ACTN1: variants seen among roughly 807,000 people sequenced by gnomAD.
The protein encoded by ACTN1 is alpha-actinin-1.
In ACTN1, 30 loss-of-function variants were observed where a neutral mutation model predicts 119.6. The observed-to-expected ratio is 0.25, with a 90% confidence interval of 0.19 to 0.34. The LOEUF (loss-of-function observed/expected upper bound fraction) is 0.34, where lower values mean the gene tolerates loss of function less well. ACTN1 is among the 10% of genes least tolerant of loss of function. The pLI, the probability that ACTN1 is intolerant of heterozygous loss-of-function variation, is 1.00. For synonymous variants in ACTN1, 429 were observed against 472.6 expected (o/e 0.91, Z 1.20); for missense variants, 764 against 1,223.4 (o/e 0.62, Z 5.60).
chr14:68,967,339 A>C (rs759220946), intron 1 of ACTN1, among the ~76,000 whole-genome samples: 1 of 152,076 alleles, frequency 6.6e-6, no homozygotes, highest in African/African-American at 2.4e-5. Context: ...GGCCCTCACC[A>C]CCACTGTTCA....
At chr14:68,950,122 C>T (rs929195456) in intron 1 of ACTN1, among the ~76,000 whole-genome samples, 8 of 152,040 alleles carry the variant, frequency 5.3e-5, no homozygotes, top group Admixed American at 3.9e-4. Flanking sequence ...AATGAAACCC[C>T]GTTTCTACTG....
intron 1 of ACTN1, among the ~76,000 whole-genome samples, chr14:68,950,115 G>A (rs1211186316): frequency 6.6e-6 from 1 of 152,062 alleles, no homozygotes; most frequent in African/African-American, 2.4e-5. Flanking sequence ...CCAACATAAT[G>A]AAACCCCGTT....
At chr14:68,922,424 G>A (rs2034699324) in intron 2 of ACTN1, among the ~76,000 whole-genome samples, 1 of 152,230 alleles carries the variant, frequency 6.6e-6, no homozygotes, top group Admixed American at 6.5e-5. Context: ...CCAAGGCTCT[G>A]GCTGCAACCC....
At chr14:68,950,624 T>A (rs1038804056) in intron 1 of ACTN1, among the ~76,000 whole-genome samples, 1 of 151,434 alleles carries the variant, frequency 6.6e-6, no homozygotes, top group African/African-American at 2.4e-5. Flanking sequence ...TGCAGTGGTA[T>A]GATCTCGGCT....
intron 1 of ACTN1, among the ~76,000 whole-genome samples, chr14:68,954,632 G>A (rs2036289657): frequency 6.6e-6 from 1 of 152,154 alleles, no homozygotes; most frequent in East Asian, 1.9e-4. Flanking sequence ...GGCCCATACA[G>A]AGAATATTTT....
At chr14:68,883,625 A>G (rs542142995) in intron 14 of ACTN1, among the ~76,000 whole-genome samples, 40 of 152,238 alleles carry the variant, frequency 2.6e-4, no homozygotes, top group African/African-American at 8.9e-4. Flanking sequence ...TAAAAATTAA[A>G]AAATTAGCCA....
rs781108326 is a variant in ACTN1 at position 68,874,921 on chromosome 14, C to T, written c.2683G>A (p.Val895Met). Residue 895 changes from valine to methionine, a missense_variant, in exon 22 of 22, where the codon GTG becomes ATG. Val to Met is a conservative substitution (Grantham distance 21, BLOSUM62 1). Around this residue, in one of 4 missense-constraint regions of ACTN1, gnomAD observed 102 missense variants for 78.2 expected, o/e 1.30. Transcript: ENST00000394419. The stretch of plus-strand genomic sequence containing the variant: ...GACATGTAGTCCAGAGCACCTGGCA[C>T]GGAGTCGGGGCCGGTGTAGGGGGCC... Reference protein sequence around the residue: ...RMAPYTGPDSVPGALDYMSFS... With the variant: ...RMAPYTGPDSMPGALDYMSFS... The T allele has an allele frequency of 4.3e-6, 7 of 1,611,532 alleles. No homozygotes were observed. Among genetic ancestry groups the T allele is most frequent in the Non-Finnish European group, 5.1e-6 (6 of 1,178,192 alleles).
intron 1 of ACTN1, among the ~76,000 whole-genome samples, chr14:68,950,289 T>G: frequency 1.3e-5 from 1 of 75,490 alleles, no homozygotes; most frequent in South Asian, 6.2e-4. Context: ...AGTGAGTTGT[T>G]GTCTCAAAAA....
intron 21 of ACTN1, 83 bp downstream of exon 21, chr14:68,876,999 C>T: frequency 6.6e-7 from 1 of 1,521,092 alleles, no homozygotes; most frequent in Non-Finnish European, 8.9e-7. Context: ...TTGAGGAGTT[C>T]ATGTTCCAGC....
At chr14:68,967,462 G>A (rs1242615098) in intron 1 of ACTN1, among the ~76,000 whole-genome samples, 1 of 152,166 alleles carries the variant, frequency 6.6e-6, no homozygotes, top group South Asian at 2.1e-4. Flanking sequence ...TCCATTACTA[G>A]GGGGACCCCA....
In ACTN1 at chr14:68,910,984, A is replaced by G. The variant is rs59489853; in HGVS notation, c.428-942T>C. On this transcript the variant is annotated intron_variant, in intron 4 of 21. Transcript: ENST00000394419. ...ACCTCTTTTTATTTATAAATTACCC[A>G]GTCTCGGGTATGTCCTTACCAGCAG... 9.7e-3 allele frequency among the ~76,000 whole-genome samples: 1,474 copies of G among 152,202 alleles called. 29 individuals carry two copies. Among genetic ancestry groups the G allele is most frequent in the African/African-American group, 0.033 (1,390 of 41,514 alleles).
chr14:68,935,387 ATTTTTTTTTTTTTTT>A, intron 1 of ACTN1, among the ~76,000 whole-genome samples: 1 of 56,430 alleles, frequency 1.8e-5, no homozygotes, highest in South Asian at 9.2e-4. Flanking sequence ...CTCTCTGTTC[ATTTTTTTTTTTTTTT>A]TTTTTTTTTT....
chr14:68,909,195 A>C lies in ACTN1; in HGVS notation c.594+123T>G, dbSNP rs1473973878. ...CTTTCAGTTGGGGCTCTGTCTGGCT[A>C]TTCTAAGAGGCCAACACTGCTCAGG... On this transcript the variant is annotated intron_variant, in intron 6 of 21. Transcript: ENST00000394419. This position sits in a 1 kb window ranked among gnomAD's most constrained non-coding sequence, Gnocchi z 4.1. The C allele has an allele frequency of 1.1e-6, 1 of 937,668 alleles. No individual in the cohort carries two copies. The highest frequency in any genetic ancestry group is 1.6e-5 in the African/African-American group (1 of 60,914). 58.1% of individuals were successfully genotyped at this position (937,668 alleles called of 1,614,324 possible).
intron 21 of ACTN1, among the ~76,000 whole-genome samples, chr14:68,876,567 A>G (rs778459494): frequency 3.9e-5 from 6 of 152,062 alleles, no homozygotes; most frequent in Non-Finnish European, 8.8e-5. Flanking sequence ...CATGGAGACA[A>G]CCCCCTGCAT....
chr14:68,960,928 C>T (rs1043860182), intron 1 of ACTN1, among the ~76,000 whole-genome samples: 11 of 152,076 alleles, frequency 7.2e-5, no homozygotes, highest in Non-Finnish European at 1.0e-4. Context: ...ATTAGCCAGG[C>T]ATGGTGGCAT....
chr14:68,898,121 G>A (rs960193537), intron 8 of ACTN1, among the ~76,000 whole-genome samples: 5 of 152,228 alleles, frequency 3.3e-5, no homozygotes, highest in African/African-American at 4.8e-5. Context: ...AGCCACTGCC[G>A]GCTCCTTTTT....
intron 1 of ACTN1, among the ~76,000 whole-genome samples, chr14:68,961,053 G>C (rs570734582): frequency 3.1e-4 from 47 of 152,310 alleles, no homozygotes; most frequent in African/African-American, 1.1e-3. Context: ...CTGGGTAACA[G>C]AGTGAGACCC....
chr14:68,978,657 T>C (rs1233266003), intron 1 of ACTN1: 3 of 300,204 alleles, frequency 1.0e-5, no homozygotes, highest in South Asian at 5.3e-5. Context: ...GCGGGGATGG[T>C]TGCAACAGCC....
intron 1 of ACTN1, among the ~76,000 whole-genome samples, chr14:68,929,723 T>G (rs1235672527): frequency 1.3e-5 from 2 of 152,258 alleles, no homozygotes; most frequent in South Asian, 2.1e-4. Flanking sequence ...CAGCCCTGTC[T>G]GCACTCCACC....
Sources: allele counts gnomAD v4.1 joint callset (sites outside exome capture counted in the v4.1 genomes callset), GRCh38; gene constraint gnomAD v4.1.1; regional missense constraint gnomAD v4.1.1; non-coding constraint Gnocchi (gnomAD v3.1); transcripts MANE v1.5; gene names NCBI Gene and HGNC (gene_info 2026-07-23, HGNC 2026-07-21).